FGF10: variants seen among roughly 807,000 people sequenced by gnomAD.
The protein encoded by FGF10 is fibroblast growth factor 10.
A neutral mutation model predicts 19.8 loss-of-function variants in FGF10; 2 were observed. That is an observed-to-expected ratio of 0.10 (90% confidence interval 0.04 to 0.32). The LOEUF is 0.32. FGF10 is among the 10% of genes least tolerant of loss of function. The pLI is 1.00. For missense variants in FGF10, 191 were observed against 246.3 expected, an observed-to-expected ratio of 0.78 and a Z score of 1.50; for synonymous variants, 112 against 94.0, an observed-to-expected ratio of 1.19 and a Z score of -1.10.
chr5:44,332,415 T>C (rs550064973), intron 1 of FGF10, among the ~76,000 whole-genome samples: 2 of 152,274 alleles, frequency 1.3e-5, no homozygotes, highest in East Asian at 3.9e-4. Context: ...TCTCACATGT[T>C]GAATTTCTCT....
In FGF10 at chr5:44,388,395, C is replaced by T. The variant is rs1289308591; in HGVS notation, c.288G>A (p.Gly96=). The part of the protein sequence containing the change: ...TKYFLKIEKN[G]KVSGTKKENC... ...TCTCCTTCTTGGTCCCGCTGACCTTCCCGTTCTTCTCAATCTTGAGAAAGT... is the reference window on the plus strand; with the variant it reads ...TCTCCTTCTTGGTCCCGCTGACCTTTCCGTTCTTCTCAATCTTGAGAAAGT... The change falls in exon 1 of 3, where the codon GGG becomes GGA. Residue 96 remains glycine (G), a synonymous_variant. Transcript: ENST00000264664. The T allele has an allele frequency of 1.2e-6, 2 of 1,613,694 alleles. No homozygotes were observed. Among genetic ancestry groups the T allele is most frequent in the Non-Finnish European group, 1.7e-6 (2 of 1,180,026 alleles).
At chr5:44,387,216 G>T (rs566441723) in intron 1 of FGF10, among the ~76,000 whole-genome samples, 1 of 152,318 alleles carries the variant, frequency 6.6e-6, no homozygotes, top group East Asian at 1.9e-4. Flanking sequence ...GAGAAAGGAA[G>T]TCAACAGAGT....
chr5:44,310,199 A>C (rs1355322239), intron 2 of FGF10, among the ~76,000 whole-genome samples: 1 of 152,012 alleles, frequency 6.6e-6, no homozygotes, highest in Non-Finnish European at 1.5e-5. Flanking sequence ...ATTCACAGAC[A>C]AATGCCAGCA....
In FGF10 at chr5:44,306,880, G is replaced by A. The variant is rs1353147004; in HGVS notation, c.430-1688C>T. Among the ~76,000 whole-genome samples, 5 of 152,108 alleles carry A rather than the reference G, an allele frequency of 3.3e-5. No individual in the cohort carries two copies. In the East Asian group the frequency reaches 7.7e-4, roughly 23 times the overall value. ...ATTTTGATAAAACAAAAATAATTCTGTATTTGAAAGGAATATAAATCCTTA... is the reference window on the plus strand; with the variant it reads ...ATTTTGATAAAACAAAAATAATTCTATATTTGAAAGGAATATAAATCCTTA... On this transcript the variant is annotated intron_variant, in intron 2 of 2. Transcript: ENST00000264664.
chr5:44,308,098 T>G (rs964997614), intron 2 of FGF10, among the ~76,000 whole-genome samples: 1 of 152,066 alleles, frequency 6.6e-6, no homozygotes, highest in Admixed American at 6.6e-5. Flanking sequence ...ATGAGAGAAA[T>G]CTCAGATAAG....
intron 1 of FGF10, among the ~76,000 whole-genome samples, chr5:44,343,723 T>C (rs1741020674): frequency 6.6e-6 from 1 of 152,000 alleles, no homozygotes; most frequent in Admixed American, 6.6e-5. Context: ...AAACATAGCA[T>C]ATAGCCACAA....
intron 1 of FGF10, among the ~76,000 whole-genome samples, chr5:44,336,395 C>T (rs1349975313): frequency 6.6e-6 from 1 of 152,044 alleles, no homozygotes; most frequent in Non-Finnish European, 1.5e-5. Context: ...TCATAATATT[C>T]AGAGATAATC....
intron 2 of FGF10, among the ~76,000 whole-genome samples, chr5:44,307,841 A>G (rs17228172): frequency 1.5e-4 from 23 of 152,346 alleles, no homozygotes; most frequent in African/African-American, 4.1e-4. Context: ...CATTATTCCT[A>G]GTAGAAATGT....
chr5:44,373,342 C>A (rs1741785526), intron 1 of FGF10, among the ~76,000 whole-genome samples: 1 of 152,140 alleles, frequency 6.6e-6, no homozygotes, highest in Non-Finnish European at 1.5e-5. Flanking sequence ...GTGAATCTCC[C>A]AACTTAGCAT....
chr5:44,369,000 T>A (rs1741684593), intron 1 of FGF10, among the ~76,000 whole-genome samples: 1 of 152,278 alleles, frequency 6.6e-6, no homozygotes, highest in East Asian at 1.9e-4. Flanking sequence ...TATTTTCATA[T>A]TCATGTTTCC....
intron 1 of FGF10, among the ~76,000 whole-genome samples, chr5:44,351,442 C>CTT (rs889468761): frequency 2.6e-5 from 4 of 151,440 alleles, no homozygotes; most frequent in Non-Finnish European, 5.9e-5. Flanking sequence ...TTGATAGAAT[C>CTT]TTTTTTTAAC....
At chr5:44,378,117 A>G (rs943416251) in intron 1 of FGF10, among the ~76,000 whole-genome samples, 7 of 152,334 alleles carry the variant, frequency 4.6e-5, no homozygotes, top group Non-Finnish European at 8.8e-5. Flanking sequence ...TAGCATCACC[A>G]GAATACCTGT....
At position 44,303,751 on chromosome 5, in the gene FGF10, C is replaced by CA. The variant is rs1176421654; in HGVS notation, c.*1243dup. The CA allele has an allele frequency of 6.6e-6, 1 of 152,126 alleles. No individual in the cohort carries two copies. Among genetic ancestry groups the CA allele is most frequent in the Non-Finnish European group, 1.5e-5 (1 of 68,030 alleles). The allele number at this position is 152,126 out of a possible 1,614,324, so 9.4% of individuals were successfully genotyped here. Reference sequence around the variant, plus strand: ...TAGAACAGGTTTTTGTATATGGTTACACATATACCAGTATATATTTGATTT... The same window carrying CA: ...TAGAACAGGTTTTTGTATATGGTTACAACATATACCAGTATATATTTGATTT... On this transcript the variant is annotated 3_prime_UTR_variant, in exon 3 of 3. Coordinates refer to ENST00000264664, the MANE Select transcript of FGF10 (RefSeq NM_004465.2).
intron 1 of FGF10, among the ~76,000 whole-genome samples, chr5:44,367,686 G>A (rs1343727480): frequency 6.6e-6 from 1 of 151,904 alleles, no homozygotes; most frequent in Non-Finnish European, 1.5e-5. Context: ...AAGTACATAG[G>A]CCTAAGCATT....
intron 1 of FGF10, among the ~76,000 whole-genome samples, chr5:44,342,344 AT>A (rs1740988965): frequency 6.6e-6 from 1 of 151,970 alleles, no homozygotes; most frequent in African/African-American, 2.4e-5. Context: ...TGTTAGGCAC[AT>A]TCTGTCAAAG....
chr5:44,346,796 T>C (rs937093739), intron 1 of FGF10, among the ~76,000 whole-genome samples: 1 of 151,846 alleles, frequency 6.6e-6, no homozygotes, highest in African/African-American at 2.4e-5. Context: ...GTTGAGCATT[T>C]AAAATATGAC....
chr5:44,388,430 A>G lies in FGF10; in HGVS notation c.253T>C (p.Phe85Leu). 6.2e-7 allele frequency: 1 copy of G among 1,613,912 alleles called. No homozygotes were observed. The highest frequency in any genetic ancestry group is 8.5e-7 in the Non-Finnish European group (1 of 1,180,008). Residue 85 changes from phenylalanine (F) to leucine (L), a missense_variant, in exon 1 of 3, where the codon TTC becomes CTC. Around this residue, in one of 2 missense-constraint regions of FGF10, gnomAD observed 99 missense variants for 161.7 expected, o/e 0.61. Transcript: ENST00000264664. ...GDVRWRKLFS[F>L]TKYFLKIEKN... ...TCAATCTTGAGAAAGTACTTGGTGA[A>G]AGAGAATAGCTTTCTCCAGCGGACA...
chr5:44,321,502 G>T (rs987854295), intron 1 of FGF10, among the ~76,000 whole-genome samples: 3 of 152,176 alleles, frequency 2.0e-5, no homozygotes, highest in Admixed American at 6.5e-5. Flanking sequence ...TGGTCATTTT[G>T]TGTCAGTATA....
intron 1 of FGF10, among the ~76,000 whole-genome samples, chr5:44,373,655 C>CA (rs1741792388): frequency 6.6e-6 from 1 of 151,952 alleles, no homozygotes; most frequent in Non-Finnish European, 1.5e-5. Flanking sequence ...TCTGAGCCCT[C>CA]AAAAAAAGCA....
Sources: allele counts gnomAD v4.1 joint callset (sites outside exome capture counted in the v4.1 genomes callset), GRCh38; gene constraint gnomAD v4.1.1; regional missense constraint gnomAD v4.1.1; transcripts MANE v1.5; gene names NCBI Gene and HGNC (gene_info 2026-07-23, HGNC 2026-07-21).